The following DHX36 variants were observed in gnomAD, a reference collection of about 807,000 sequenced individuals.
DHX36 encodes the protein DEAH-box helicase 36.
In DHX36, 50 loss-of-function variants were observed where a neutral mutation model predicts 139.0. The observed-to-expected ratio is 0.36, with a 90% CI of 0.29 to 0.46. The LOEUF (loss-of-function observed/expected upper bound fraction) is 0.46, where lower values mean the gene tolerates loss of function less well. Ranked by LOEUF, DHX36 falls within the 20% of genes least tolerant of loss-of-function variation. The pLI is 1.00. For missense variants in DHX36, 1,024 were observed against 1,211.3 expected, an observed-to-expected ratio of 0.85 and a Z score of 2.29; for synonymous variants, 425 against 401.9, an observed-to-expected ratio of 1.06 and a Z score of -0.69.
intron 17 of DHX36, 47 bp downstream of exon 17, chr3:154,288,819 C>T: frequency 9.0e-7 from 1 of 1,106,592 alleles, no homozygotes; most frequent in Non-Finnish European, 1.3e-6. Context: ...GGTTTACATG[C>T]TGTAGTATTC....
rs1338693656 is a variant in DHX36, at chr3:154,300,576, A to C, written c.1461+18T>G. 1 of 1,589,360 alleles carries C rather than the reference A, an allele frequency of 6.3e-7. No individual in the cohort carries two copies. The highest frequency in any genetic ancestry group is 8.6e-7 in the Non-Finnish European group (1 of 1,161,788). ...AAATTAAAATTATGTTAACTGAAGA[A>C]AGAAAAATAAAACTAACCTCTTCTT... On this transcript the variant is annotated intron_variant, in intron 11 of 24. Transcript: ENST00000496811.
rs403132 is a variant in DHX36 at position 154,274,185 on chromosome 3, A to G, written c.*1986T>C. 138,605 of 152,956 alleles carry G rather than the reference A, an allele frequency of 0.91. 63,028 individuals are homozygous for G. The highest frequency in any genetic ancestry group is 1 in the East Asian group (5,170 of 5,178). The allele number at this position is 152,956 out of a possible 1,614,324, so 9.5% of individuals were successfully genotyped here. On this transcript the variant is annotated 3_prime_UTR_variant, in exon 25 of 25. Transcript: ENST00000496811. ...TAGCTGGGTGTGGTGATGCATGCCT[A>G]TAGTCCCAGCTATTTGGGAGGCTGA... is the stretch of plus-strand genomic sequence containing the variant.
intron 3 of DHX36, chr3:154,311,959 T>C (rs1026669173): frequency 3.6e-4 from 97 of 272,496 alleles, no homozygotes; most frequent in Middle Eastern, 2.2e-3. Context: ...TAATAATTGC[T>C]AAATTACTTT....
intron 12 of DHX36, chr3:154,299,614 T>TG: frequency 2.1e-6 from 1 of 480,374 alleles, no homozygotes; most frequent in East Asian, 4.2e-5. Context: ...CAGCAGTAAG[T>TG]GAAAAAATGA....
intron 12 of DHX36, among the ~76,000 whole-genome samples, chr3:154,298,112 T>A (rs754651443): frequency 6.6e-6 from 1 of 152,200 alleles, no homozygotes; most frequent in Non-Finnish European, 1.5e-5. Flanking sequence ...AGTGGAAGTG[T>A]ATACATTAGC....
rs1359722810 is a variant in DHX36 at position 154,276,059 on chromosome 3, T to A, written c.*112A>T. The A allele has an allele frequency of 4.1e-6, 4 of 969,766 alleles. No homozygotes were observed. The African/African-American group carries it at 6.5e-5, about 16-fold the overall frequency. 60.1% of individuals were successfully genotyped at this position (969,766 alleles called of 1,614,324 possible). On this transcript the variant is annotated 3_prime_UTR_variant, in exon 25 of 25. Coordinates refer to ENST00000496811, the MANE Select transcript of DHX36 (RefSeq NM_020865.3). ...GTCTTTACTACCTACTGAAGGCTTC[T>A]ACCTTACACATGAAAATTGTTCATG...
chr3:154,278,909 G>C (rs1325011292), intron 22 of DHX36: 1 of 152,146 alleles, frequency 6.6e-6, no homozygotes, highest in Non-Finnish European at 1.5e-5. Context: ...ATTTACCAAT[G>C]CCATCCTGCC....
In DHX36 at chr3:154,324,486, G is replaced by A; in HGVS notation, c.-70C>T. On this transcript the variant is annotated 5_prime_UTR_variant, in exon 1 of 25. Transcript: ENST00000496811. ...ATGGCGTCCGGGCCCGGAAGCCACT[G>A]TGCGCCCACTTCCGTTTTGCTTCCG... The A allele has an allele frequency of 1.4e-6, 2 of 1,428,586 alleles. No individual in the cohort carries two copies. Among genetic ancestry groups the A allele is most frequent in the Non-Finnish European group, 1.8e-6 (2 of 1,094,886 alleles). 88.5% of individuals were successfully genotyped at this position (1,428,586 alleles called of 1,614,324 possible).
At chr3:154,277,499 C>CA (rs200516212) in intron 23 of DHX36, 99 bp downstream of exon 23, 4,785 of 1,142,652 alleles carry the variant, frequency 4.2e-3, no homozygotes, top group South Asian at 7.5e-3. Flanking sequence ...TAAGACACAA[C>CA]AAAAAAAAAA....
intron 22 of DHX36, chr3:154,279,953 A>G (rs577047787): frequency 2.0e-5 from 3 of 152,198 alleles, no homozygotes; most frequent in Non-Finnish European, 4.4e-5. Flanking sequence ...TCCTTAAGAC[A>G]CATCTATCAA....
At chr3:154,276,663 A>C in intron 24 of DHX36, 84 bp downstream of exon 24, 2 of 1,341,240 alleles carry the variant, frequency 1.5e-6, no homozygotes, top group Admixed American at 2.2e-5. Context: ...AAGAAATGTT[A>C]ATCTATTTAA....
chr3:154,318,511 C>A (rs960131826), intron 1 of DHX36, among the ~76,000 whole-genome samples: 1 of 152,028 alleles, frequency 6.6e-6, no homozygotes, highest in Non-Finnish European at 1.5e-5. Flanking sequence ...TGAGATTTCA[C>A]GCCCCCGGAA....
In DHX36 at chr3:154,303,325, T is replaced by C. The variant is rs1392031840; in HGVS notation, c.1217+4A>G. 1.3e-6 allele frequency: 2 copies of C among 1,577,788 alleles called. No individual in the cohort carries two copies. Among genetic ancestry groups the C allele is most frequent in the South Asian group, 1.2e-5 (1 of 86,010 alleles). On this transcript the variant is annotated splice_donor_region_variant and intron_variant, in intron 9 of 24. Coordinates refer to ENST00000496811, the MANE Select transcript of DHX36 (RefSeq NM_020865.3). ...ATGTTTTTTATTTCCTAATGTTTAC[T>C]TACCTTATTTTTTCAATTACATCTT... is the stretch of plus-strand genomic sequence containing the variant.
At position 154,276,082 on chromosome 3, in the gene DHX36, A is replaced by G; in HGVS notation, c.*89T>C. The G allele has an allele frequency of 7.6e-7, 1 of 1,318,192 alleles. No individual in the cohort carries two copies. Among genetic ancestry groups the G allele is most frequent in the Non-Finnish European group, 1.0e-6 (1 of 954,322 alleles). 81.7% of individuals were successfully genotyped at this position (1,318,192 alleles called of 1,614,324 possible). Reference sequence around the variant, plus strand: ...TCTACCTTACACATGAAAATTGTTCATGTCCCAGGGTTTGGCATCCAGCCA... The same window carrying G: ...TCTACCTTACACATGAAAATTGTTCGTGTCCCAGGGTTTGGCATCCAGCCA... On this transcript the variant is annotated 3_prime_UTR_variant, in exon 25 of 25. Coordinates refer to ENST00000496811, the MANE Select transcript of DHX36 (RefSeq NM_020865.3).
chr3:154,284,862 G>A lies in DHX36; in HGVS notation c.2157C>T (p.Leu719=). The A allele has an allele frequency of 6.2e-7, 1 of 1,614,118 alleles. No homozygotes were observed. The highest frequency in any genetic ancestry group is 8.5e-7 in the Non-Finnish European group (1 of 1,180,020). The change falls in exon 18 of 25, where the codon CTC becomes CTT. Residue 719 remains leucine, a synonymous_variant. Coordinates refer to ENST00000496811, the MANE Select transcript of DHX36 (RefSeq NM_020865.3). The stretch of plus-strand genomic sequence containing the variant: ...TGAAACTGAGACTAGCAGCAATAGT[G>A]AGTACTGGGTCTAAGCAGCAGAACA... The part of the protein sequence containing the change: ...GALFCCLDPV[L]TIAASLSFKD...
chr3:154,290,633 C>CAAAAA (rs10706343), intron 15 of DHX36, among the ~76,000 whole-genome samples: 2 of 77,428 alleles, frequency 2.6e-5, no homozygotes, highest in Non-Finnish European at 2.5e-5. Context: ...GACTTCATCT[C>CAAAAA]AAAAAAAAAA....
At chr3:154,291,004 G>A (rs530481339) in intron 15 of DHX36, among the ~76,000 whole-genome samples, 31 of 149,766 alleles carry the variant, frequency 2.1e-4, no homozygotes, top group Non-Finnish European at 4.2e-4. Context: ...GCGTAGTGGC[G>A]GGCGCCTGTA....
chr3:154,321,992 G>A (rs536424462), intron 1 of DHX36, among the ~76,000 whole-genome samples: 3 of 151,024 alleles, frequency 2.0e-5, no homozygotes, highest in African/African-American at 4.9e-5. Flanking sequence ...GAAAGCTACC[G>A]AAATTCTGAC....
intron 3 of DHX36, among the ~76,000 whole-genome samples, chr3:154,312,877 ATATATATATATATATATATAT>A (rs1559958732): frequency 8.8e-6 from 1 of 113,032 alleles, no homozygotes; most frequent in East Asian, 3.3e-4. Context: ...ATATATATAT[ATATATATATATATATATATAT>A]ATAAAATAAA....
Sources: gnomAD v4.1 joint callset for allele counts (sites outside exome capture counted in the v4.1 genomes callset) on GRCh38, gnomAD v4.1.1 for gene constraint, MANE v1.5 for transcripts, NCBI Gene and HGNC (gene_info 2026-07-23, HGNC 2026-07-21) for gene names.